Variants in FRMD4A observed in about 807,000 individuals in gnomAD.
FRMD4A encodes the protein FERM domain containing 4A, also known as FERM domain-containing protein 4A.
A neutral mutation model predicts 129.1 loss-of-function variants in FRMD4A; 29 were observed. That is an observed-to-expected ratio of 0.22 (90% confidence interval 0.17 to 0.31). FRMD4A has a LOEUF of 0.31. FRMD4A is among the 10% of genes least tolerant of loss of function. The pLI, the probability that FRMD4A is intolerant of heterozygous loss-of-function variation, is 1.00. For missense variants in FRMD4A, 1,272 were observed against 1,375.8 expected (o/e 0.92, Z 1.19); for synonymous variants, 634 against 571.6 (o/e 1.11, Z -1.56).
chr10:13,998,202 A>C (rs2095629727), intron 2 of FRMD4A, among the ~76,000 whole-genome samples: 1 of 152,140 alleles, frequency 6.6e-6, no homozygotes, highest in African/African-American at 2.4e-5. Flanking sequence ...CTCTAGCTTT[A>C]AATGCCAATC....
At chr10:13,952,674 T>C (rs919632819) in intron 2 of FRMD4A, among the ~76,000 whole-genome samples, 5 of 152,256 alleles carry the variant, frequency 3.3e-5, no homozygotes, top group African/African-American at 9.6e-5. Flanking sequence ...TTGCAAATTA[T>C]GTAAACTTTA....
In FRMD4A at chr10:14,008,162, CTGTGTG is replaced by C. The variant is rs752913059; in HGVS notation, c.46-149256_46-149251del. 3,518 of 629,820 alleles carry C rather than the reference CTGTGTG, an allele frequency of 5.6e-3. 6 individuals are homozygous for C. Among genetic ancestry groups the C allele is most frequent in the African/African-American group, 0.012 (524 of 42,174 alleles). 39.0% of individuals were successfully genotyped at this position (629,820 alleles called of 1,614,324 possible). On this transcript the variant is annotated intron_variant, in intron 2 of 24. Coordinates refer to ENST00000357447, the MANE Select transcript of FRMD4A (RefSeq NM_018027.5). ...CAGCCTGAACCACCATGGTGTACAG[CTGTGTG>C]TGTGTGTGTGTGTGTGTGTGTGTGT...
In FRMD4A at chr10:13,657,193, C is replaced by T; in HGVS notation, c.2396G>A (p.Gly799Asp). Residue 799 changes from glycine to aspartate, a missense_variant, in exon 22 of 25, where the codon GGC (glycine) becomes GAC (aspartate). Gly to Asp is a moderately conservative substitution (Grantham distance 94). This residue lies in a region of FRMD4A where 972 missense variants were observed against 892.3 expected (regional missense o/e 1.09). Transcript: ENST00000357447. ...GCGCGCCGCCAGGTTGGGCATGCTG[C>T]CCGAGCTGGCTGAGCCCAGTGCGCC... ...AAGALGSASS[G>D]SMPNLAARGG... The T allele has an allele frequency of 2.0e-6, 3 of 1,521,648 alleles. No individual in the cohort carries two copies. The highest frequency in any genetic ancestry group is 2.6e-6 in the Non-Finnish European group (3 of 1,141,292). The allele number at this position is 1,521,648 out of a possible 1,614,324, so 94.3% of individuals were successfully genotyped here.
At chr10:13,788,291 G>C (rs770594539) in intron 5 of FRMD4A, among the ~76,000 whole-genome samples, 16 of 152,142 alleles carry the variant, frequency 1.1e-4, no homozygotes, top group Non-Finnish European at 1.9e-4. Context: ...ACACGTACCA[G>C]ACAACTAGGG....
intron 2 of FRMD4A, among the ~76,000 whole-genome samples, chr10:14,135,435 A>G (rs2131834090): frequency 6.6e-6 from 1 of 152,356 alleles, no homozygotes; most frequent in East Asian, 1.9e-4. Flanking sequence ...GTTTCTGTAC[A>G]TCATTTCCCT....
chr10:14,273,502 T>C (rs1169864401), intron 2 of FRMD4A, among the ~76,000 whole-genome samples: 1 of 152,204 alleles, frequency 6.6e-6, no homozygotes, highest in East Asian at 1.9e-4. Context: ...GGTCAGCTCA[T>C]GTAAGCTGAT....
chr10:14,200,379 C>T (rs753378180), intron 2 of FRMD4A, among the ~76,000 whole-genome samples: 3 of 151,892 alleles, frequency 2.0e-5, no homozygotes, highest in Admixed American at 6.6e-5. Context: ...CTGCAACCTC[C>T]GCCTCCTAGG....
At chr10:13,881,777 G>A (rs752896896) in intron 2 of FRMD4A, among the ~76,000 whole-genome samples, 1 of 151,840 alleles carries the variant, frequency 6.6e-6, no homozygotes, top group Non-Finnish European at 1.5e-5. Flanking sequence ...ATCGAACTGC[G>A]ACTGCCTTCC....
chr10:14,051,464 G>A (rs971965714), intron 2 of FRMD4A, among the ~76,000 whole-genome samples: 2 of 152,198 alleles, frequency 1.3e-5, no homozygotes, highest in African/African-American at 4.8e-5. Flanking sequence ...AAGGACGCCG[G>A]GGTGAGCGCA....
At chr10:14,024,139 T>G (rs1433128480) in intron 2 of FRMD4A, among the ~76,000 whole-genome samples, 1 of 152,228 alleles carries the variant, frequency 6.6e-6, no homozygotes, top group African/African-American at 2.4e-5. Context: ...ATCTCTACTA[T>G]TTAATCTGCA....
chr10:13,911,842 A>G (rs557033952), intron 2 of FRMD4A, among the ~76,000 whole-genome samples: 2 of 152,292 alleles, frequency 1.3e-5, no homozygotes, highest in South Asian at 2.1e-4. Flanking sequence ...GATTAGAGGT[A>G]TGAGCCACTG....
intron 2 of FRMD4A, among the ~76,000 whole-genome samples, chr10:13,961,932 A>G (rs964053374): frequency 1.3e-5 from 2 of 152,118 alleles, no homozygotes; most frequent in African/African-American, 4.8e-5. Flanking sequence ...AAAGACATGA[A>G]TGAATGAATG....
intron 2 of FRMD4A, among the ~76,000 whole-genome samples, chr10:13,917,318 T>C (rs191196673): frequency 3.3e-4 from 50 of 151,830 alleles, no homozygotes; most frequent in African/African-American, 1.2e-3. Context: ...AGACTCGCTT[T>C]GTCGCCCAGT....
intron 2 of FRMD4A, among the ~76,000 whole-genome samples, chr10:14,112,460 A>T (rs952832265): frequency 6.6e-5 from 10 of 152,230 alleles, no homozygotes; most frequent in Admixed American, 6.5e-5. Flanking sequence ...TTCAAGAGAT[A>T]ACAATAGCTC....
At chr10:13,815,185 T>C (rs1246564258) in intron 3 of FRMD4A, among the ~76,000 whole-genome samples, 1 of 152,188 alleles carries the variant, frequency 6.6e-6, no homozygotes, top group African/African-American at 2.4e-5. Context: ...ACAGCCAAGC[T>C]GGGATTCAAA....
chr10:14,324,091 G>A (rs139121077), intron 2 of FRMD4A, among the ~76,000 whole-genome samples: 12 of 152,282 alleles, frequency 7.9e-5, no homozygotes, highest in African/African-American at 2.9e-4. Context: ...TTCCCTTTCT[G>A]CCAATGCTAG....
intron 2 of FRMD4A, among the ~76,000 whole-genome samples, chr10:14,025,084 GAA>G (rs1832927235): frequency 6.6e-6 from 1 of 152,178 alleles, no homozygotes; most frequent in East Asian, 1.9e-4. Flanking sequence ...ACAAGGAAAC[GAA>G]AGTTGTGAGG....
In FRMD4A at chr10:13,846,109, G is replaced by A. The variant is rs143801951; in HGVS notation, c.111+12738C>T. Among the ~76,000 whole-genome samples the A allele has an allele frequency of 6.5e-3, 988 of 152,274 alleles. 5 individuals carry two copies. Among genetic ancestry groups the A allele is most frequent in the Middle Eastern group, 0.024 (7 of 294 alleles). On this transcript the variant is annotated intron_variant, in intron 3 of 24. Transcript: ENST00000357447. ...AAAGATGACTCAGCACATATTAAAC[G>A]CTTAGAACAGAGTCTGGTACAAAAA...
rs140387373 is a variant in FRMD4A at position 14,298,337 on chromosome 10, C to G, written c.45+31721G>C. ...CCTCTTGGTCTAGTTTTCATCTTCT[C>G]AGTTTTGATTATAAACAGAGCATAC... On this transcript the variant is annotated intron_variant, in intron 2 of 24. Coordinates refer to ENST00000357447, the MANE Select transcript of FRMD4A (RefSeq NM_018027.5). 4.1e-3 allele frequency among the ~76,000 whole-genome samples: 617 copies of G among 152,304 alleles called. 4 individuals carry two copies. The highest frequency in any genetic ancestry group is 7.0e-3 in the Non-Finnish European group (478 of 68,030).
Sources: allele counts gnomAD v4.1 joint callset (sites outside exome capture counted in the v4.1 genomes callset), GRCh38; gene constraint gnomAD v4.1.1; regional missense constraint gnomAD v4.1.1; transcripts MANE v1.5; gene names NCBI Gene and HGNC (gene_info 2026-07-23, HGNC 2026-07-21).